NFKB2: variants seen among roughly 807,000 people sequenced by gnomAD.
NFKB2 encodes nuclear factor kappa B subunit 2, also known as nuclear factor NF-kappa-B p100 subunit.
A neutral mutation model predicts 109.3 loss-of-function variants in NFKB2; 21 were observed. That is an observed-to-expected ratio of 0.19 (90% confidence interval 0.14 to 0.28). The LOEUF is 0.28. Among genes scored for constraint, NFKB2 ranks in the 10% least tolerant of loss-of-function variants. The pLI is 1.00. For missense variants in NFKB2, 806 were observed against 1,185.3 expected (o/e 0.68, Z 4.70); for synonymous variants, 478 against 489.9 (o/e 0.98, Z 0.32).
Position 102,397,825 on chromosome 10 carries a change from A to G in NFKB2, c.661+140A>G. On this transcript the variant is annotated intron_variant, in intron 8 of 22. Coordinates refer to ENST00000661543, the MANE Select transcript of NFKB2 (RefSeq NM_001322934.2). The surrounding 1 kb of genome is among the most constrained non-coding windows in gnomAD (Gnocchi z 4.7). ...TGAGCTGAGTGATCCTGAGCAAGTC[A>G]TTTCCCCCCCGAAGCTTCTGTCTTT... The G allele has an allele frequency of 7.8e-7, 1 of 1,284,578 alleles. No homozygotes were observed. Among genetic ancestry groups the G allele is most frequent in the Non-Finnish European group, 1.1e-6 (1 of 913,994 alleles). 79.6% of individuals were successfully genotyped at this position (1,284,578 alleles called of 1,614,324 possible).
In NFKB2 at chr10:102,399,288, G is replaced by T; in HGVS notation, c.1118G>T (p.Gly373Val). The part of the protein sequence containing the change: ...AAGGYGGAGG[G>V]GSLGFFPSSL... ...CCCACAGCCCTGCCTGTATCCACAG[G>T]TGGCAGCCTCGGTTTCTTCCCCTCC... The change falls in exon 13 of 23, where the codon GGT becomes GTT. Residue 373 changes from glycine (G) to valine (V), a missense_variant and splice_region_variant. This residue lies in a region of NFKB2 where 209 missense variants were observed against 211.9 expected (regional missense o/e 0.99). Coordinates refer to ENST00000661543, the MANE Select transcript of NFKB2 (RefSeq NM_001322934.2). 1 of 1,593,772 alleles carries T rather than the reference G, an allele frequency of 6.3e-7. No individual in the cohort carries two copies. The highest frequency in any genetic ancestry group is 2.3e-5 in the East Asian group (1 of 43,826).
rs1240385149 is a variant in NFKB2 at position 102,402,223 on chromosome 10, A to G, written c.2579-29A>G. 6 of 1,551,098 alleles carry G rather than the reference A, an allele frequency of 3.9e-6. No individual in the cohort carries two copies. In the African/African-American group the frequency reaches 8.2e-5, roughly 21 times the overall value. ...GGGCCGGAGGCCTGAGGCTTTGACT[A>G]TCCCATTCCTGTCCCCATTTACCCC... On this transcript the variant is annotated intron_variant, in intron 22 of 22. Transcript: ENST00000661543.
chr10:102,399,857 T>G, intron 14 of NFKB2, 139 bp downstream of exon 14: 1 of 1,323,770 alleles, frequency 7.6e-7, no homozygotes, highest in South Asian at 1.5e-5. Context: ...TCAAGCTGCT[T>G]GGTCTCTCCA....
rs779697693 is a variant in NFKB2, at chr10:102,402,165, G to A, written c.2578+6G>A. The A allele has an allele frequency of 1.1e-5, 18 of 1,565,772 alleles. No homozygotes were observed. The African/African-American group carries it at 1.5e-4, about 13-fold the overall frequency. On this transcript the variant is annotated splice_donor_region_variant and intron_variant, in intron 22 of 22. Transcript: ENST00000661543. ...AGACAAGCTGCCCAGCACAGGTAAAGGGGCCTCCCTGGAAGGTGGATCTGG... is the reference window on the plus strand; with the variant it reads ...AGACAAGCTGCCCAGCACAGGTAAAAGGGCCTCCCTGGAAGGTGGATCTGG...
Position 102,398,699 on chromosome 10 carries a change from C to T in NFKB2, c.992-40C>T, listed in dbSNP as rs758930252. The stretch of plus-strand genomic sequence containing the variant: ...TCTGGGAAGGGCCCCTGAGGCATGA[C>T]ACAATAACTGGGCTCAATCTCATTT... On this transcript the variant is annotated intron_variant, in intron 11 of 22. Transcript: ENST00000661543. The surrounding 1 kb of genome is among the most constrained non-coding windows in gnomAD (Gnocchi z 6.6). 5.5e-5 allele frequency: 88 copies of T among 1,612,006 alleles called. No homozygotes were observed. Among genetic ancestry groups the T allele is most frequent in the African/African-American group, 9.4e-5 (7 of 74,864 alleles).
At position 102,400,161 on chromosome 10, in the gene NFKB2, C is replaced by T. The variant is rs1589867115; in HGVS notation, c.1551C>T (p.Leu517=). Residue 517 remains leucine, a synonymous_variant, in exon 15 of 23, where the codon CTC becomes CTT. Coordinates refer to ENST00000661543, the MANE Select transcript of NFKB2 (RefSeq NM_001322934.2). The surrounding 1 kb of genome is among the most constrained non-coding windows in gnomAD (Gnocchi z 6.3). ...IVYVIHHAQD[L]GVVNLTNHLH... ...ATGTCATCCACCACGCCCAGGACCT[C>T]GGCGTTGTCAACCTCACCAACCACC... The T allele has an allele frequency of 6.2e-7, 1 of 1,614,182 alleles. No individual in the cohort carries two copies. The highest frequency in any genetic ancestry group is 1.1e-5 in the South Asian group (1 of 91,078).
Position 102,396,566 on chromosome 10 carries a change from G to A in NFKB2, c.144+77G>A. The A allele has an allele frequency of 6.2e-7, 1 of 1,606,332 alleles. No homozygotes were observed. The highest frequency in any genetic ancestry group is 1.1e-5 in the South Asian group (1 of 90,742). On this transcript the variant is annotated intron_variant, in intron 4 of 22. Transcript: ENST00000661543. The surrounding 1 kb of genome is among the most constrained non-coding windows in gnomAD (Gnocchi z 5.9). ...GGGGTAGTGGTAGCTGGCTGGCCAT[G>A]GAGGAGCCATTGCCGAAGGAGGCCA...
At position 102,396,630 on chromosome 10, in the gene NFKB2, G is replaced by A. The variant is rs946497275; in HGVS notation, c.145-95G>A. 1.2e-5 allele frequency: 19 copies of A among 1,542,550 alleles called. No homozygotes were observed. The highest frequency in any genetic ancestry group is 1.6e-5 in the Non-Finnish European group (18 of 1,123,752). The stretch of plus-strand genomic sequence containing the variant: ...GGTCACTGCTGCTGATCAGAGTGCT[G>A]TAGTTTGGTTCAGGGCTACTACCAG... On this transcript the variant is annotated intron_variant, in intron 4 of 22. Transcript: ENST00000661543. The surrounding 1 kb of genome is among the most constrained non-coding windows in gnomAD (Gnocchi z 5.9).
rs1589866171 is a variant in NFKB2 at position 102,399,719 on chromosome 10, G to T, written c.1469+1G>T. On this transcript the variant is annotated splice_donor_variant, in intron 14 of 22. Coordinates refer to ENST00000661543, the MANE Select transcript of NFKB2 (RefSeq NM_001322934.2). LOFTEE classifies it high-confidence loss of function. ...CGGCGCAGGACGAGAACGGAGACAC[G>T]TAGGCAACAGAGGGCCTGGCGGACG... 6.8e-7 allele frequency: 1 copy of T among 1,473,846 alleles called. No homozygotes were observed. The allele number at this position is 1,473,846 out of a possible 1,614,324, so 91.3% of individuals were successfully genotyped here.
At position 102,396,271 on chromosome 10, in the gene NFKB2, G is replaced by A. The variant is rs45581936; in HGVS notation, c.40G>A (p.Glu14Lys). The stretch of plus-strand genomic sequence containing the variant: ...AAACCAGGGTCTGGATGGTATTATT[G>A]AATATGATGATTTCAAATTGAACTC... ...CYNPGLDGII[E>K]YDDFKLNSSI... The change falls in exon 3 of 23, where the codon GAA becomes AAA. Residue 14 changes from glutamate (E) to lysine (K), a missense_variant. Transcript: ENST00000661543. This position sits in a 1 kb window ranked among gnomAD's most constrained non-coding sequence, Gnocchi z 5.9. 8.4e-4 allele frequency: 1,356 copies of A among 1,612,586 alleles called. 7 individuals are homozygous for A. In the African/African-American group the frequency reaches 0.014, roughly 17 times the overall value.
At position 102,397,849 on chromosome 10, in the gene NFKB2, T is replaced by C; in HGVS notation, c.662-132T>C. ...CATTTCCCCCCCGAAGCTTCTGTCT[T>C]TAGTAAATGTGTATATTGGGTGTTT... On this transcript the variant is annotated intron_variant, in intron 8 of 22. Coordinates refer to ENST00000661543, the MANE Select transcript of NFKB2 (RefSeq NM_001322934.2). The surrounding 1 kb of genome is among the most constrained non-coding windows in gnomAD (Gnocchi z 4.7). 1 of 1,246,062 alleles carries C rather than the reference T, an allele frequency of 8.0e-7. No individual in the cohort carries two copies. Among genetic ancestry groups the C allele is most frequent in the Non-Finnish European group, 1.1e-6 (1 of 875,030 alleles). The allele number at this position is 1,246,062 out of a possible 1,614,324, so 77.2% of individuals were successfully genotyped here.
upstream of NFKB2, chr10:102,394,440 G>T (rs930982793): frequency 1.1e-4 from 17 of 152,786 alleles, no homozygotes; most frequent in African/African-American, 3.4e-4. Context: ...CAATGAAAAA[G>T]GGCGCGAGGC....
In NFKB2 at chr10:102,397,674, T is replaced by C; in HGVS notation, c.650T>C (p.Ile217Thr). The C allele has an allele frequency of 6.2e-7, 1 of 1,610,964 alleles. No individual in the cohort carries two copies. The highest frequency in any genetic ancestry group is 8.5e-7 in the Non-Finnish European group (1 of 1,177,578). Residue 217 changes from isoleucine (I) to threonine (T), a missense_variant, in exon 8 of 23, where the codon ATC (isoleucine) becomes ACC (threonine). This residue lies in a region of NFKB2 where 64 missense variants were observed against 177.4 expected (regional missense o/e 0.36). Coordinates refer to ENST00000661543, the MANE Select transcript of NFKB2 (RefSeq NM_001322934.2). The surrounding 1 kb of genome is among the most constrained non-coding windows in gnomAD (Gnocchi z 4.7). ...LPLKPVISQP[I>T]HDSKSPGASN... ...CTGAAGCCAGTCATCTCCCAGCCCATCCATGACAGCAGTGAGTATCCTGAT... is the reference window on the plus strand; with the variant it reads ...CTGAAGCCAGTCATCTCCCAGCCCACCCATGACAGCAGTGAGTATCCTGAT...
rs1385349447 is a variant in NFKB2 at position 102,401,030 on chromosome 10, C to A, written c.2052C>A (p.Thr684=). ...LAAGLGYPTL[T]RLLLKAGADI... Reference sequence around the variant, plus strand: ...CTGGACTGGGGTACCCGACCCTCACCCGCCTCCTTCTGAAGGCTGGTCAGT... The same window carrying A: ...CTGGACTGGGGTACCCGACCCTCACACGCCTCCTTCTGAAGGCTGGTCAGT... Residue 684 remains threonine (T), a synonymous_variant, in exon 18 of 23, where the codon ACC becomes ACA. Transcript: ENST00000661543. This position sits in a 1 kb window ranked among gnomAD's most constrained non-coding sequence, Gnocchi z 4.2. 1 of 1,614,082 alleles carries A rather than the reference C, an allele frequency of 6.2e-7. No individual in the cohort carries two copies. The highest frequency in any genetic ancestry group is 8.5e-7 in the Non-Finnish European group (1 of 1,179,974).
rs770914061 is a variant in NFKB2, at chr10:102,399,665, G to C, written c.1416G>C (p.Ala472=). Residue 472 remains alanine (A), a synonymous_variant, in exon 14 of 23, where the codon GCG becomes GCC. Transcript: ENST00000661543. The part of the protein sequence containing the change: ...LDYGVTADAR[A]LLAGQRHLLT... Reference sequence around the variant, plus strand: ...ACGGCGTCACCGCGGACGCGCGCGCGCTGCTGGCGGGACAGCGCCACCTGC... The same window carrying C: ...ACGGCGTCACCGCGGACGCGCGCGCCCTGCTGGCGGGACAGCGCCACCTGC... 6.5e-7 allele frequency: 1 copy of C among 1,528,890 alleles called. No homozygotes were observed. The highest frequency in any genetic ancestry group is 2.0e-5 in the Admixed American group (1 of 48,948). The allele number at this position is 1,528,890 out of a possible 1,614,324, so 94.7% of individuals were successfully genotyped here. A position where few individuals can be genotyped will look rare whatever the true frequency, so the allele number is the denominator to read the frequency against.
intron 12 of NFKB2, 102 bp from the exon 13 acceptor site, chr10:102,399,186 G>A: frequency 8.5e-7 from 1 of 1,181,622 alleles, no homozygotes; most frequent in Non-Finnish European, 1.2e-6. Flanking sequence ...CTGCACTCCA[G>A]GCTGGGCAAT....
In NFKB2 at chr10:102,399,434, G is replaced by A. The variant is rs1485779239; in HGVS notation, c.1264G>A (p.Glu422Lys). Residue 422 changes from glutamate to lysine, a missense_variant, in exon 13 of 23, where the codon GAG becomes AAG. Coordinates refer to ENST00000661543, the MANE Select transcript of NFKB2 (RefSeq NM_001322934.2). ...PSRDSGEEAA[E>K]PSAPSRTPQC... The stretch of plus-strand genomic sequence containing the variant: ...CAGGGACTCCGGGGAGGAAGCCGCG[G>A]AGCCAAGCGCCCCCTCCAGGACCCC... 6.6e-7 allele frequency: 1 copy of A among 1,520,846 alleles called. No individual in the cohort carries two copies. Among genetic ancestry groups the A allele is most frequent in the Admixed American group, 2.1e-5 (1 of 46,698 alleles). The allele number at this position is 1,520,846 out of a possible 1,614,324, so 94.2% of individuals were successfully genotyped here.
In NFKB2 at chr10:102,400,054, C is replaced by T; in HGVS notation, c.1470-26C>T. The T allele has an allele frequency of 6.2e-7, 1 of 1,605,608 alleles. No individual in the cohort carries two copies. Among genetic ancestry groups the T allele is most frequent in the Non-Finnish European group, 8.5e-7 (1 of 1,173,730 alleles). On this transcript the variant is annotated intron_variant, in intron 14 of 22. Coordinates refer to ENST00000661543, the MANE Select transcript of NFKB2 (RefSeq NM_001322934.2). The surrounding 1 kb of genome is among the most constrained non-coding windows in gnomAD (Gnocchi z 6.3). Reference sequence around the variant, plus strand: ...GCGAAGGATGCTCTGAGTGGCTGGGCCAGACTCTCGCTCCCCAACCCCCAG... The same window carrying T: ...GCGAAGGATGCTCTGAGTGGCTGGGTCAGACTCTCGCTCCCCAACCCCCAG...
chr10:102,398,908 T>C lies in NFKB2; in HGVS notation c.1117+44T>C, dbSNP rs751640691. On this transcript the variant is annotated intron_variant, in intron 12 of 22. Coordinates refer to ENST00000661543, the MANE Select transcript of NFKB2 (RefSeq NM_001322934.2). This position sits in a 1 kb window ranked among gnomAD's most constrained non-coding sequence, Gnocchi z 6.6. ...AGGGAGGGGTAAAGGTAAGAGAAGC[T>C]GTGGAGGAAAAAAATCTGGGGGAGG... 6 of 1,570,808 alleles carry C rather than the reference T, an allele frequency of 3.8e-6. No homozygotes were observed. The highest frequency in any genetic ancestry group is 4.5e-5 in the East Asian group (2 of 44,676).
Sources: gnomAD v4.1 joint callset for allele counts on GRCh38, gnomAD v4.1.1 for gene constraint, gnomAD v4.1.1 regional missense constraint, Gnocchi (gnomAD v3.1) non-coding constraint, MANE v1.5 for transcripts, NCBI Gene and HGNC (gene_info 2026-07-23, HGNC 2026-07-21) for gene names.